Variants in CD48 observed in about 807,000 individuals in gnomAD.
The protein encoded by CD48 is CD48 molecule.
A neutral mutation model predicts 22.0 loss-of-function variants in CD48; 20 were observed. The ratio of observed to expected loss-of-function variants is 0.91; its 90% CI spans 0.64 to 1.32. The LOEUF (loss-of-function observed/expected upper bound fraction) is 1.32, where lower values mean the gene tolerates loss of function less well. Among genes scored for constraint, CD48 ranks in the 40% most tolerant of loss-of-function variants. The probability of loss-of-function intolerance (pLI) is 0.00; values close to 1 mark genes in which losing one functional copy is unlikely to be tolerated. For missense variants in CD48, 307 were observed against 286.5 expected, an observed-to-expected ratio of 1.07 and a Z score of -0.52; for synonymous variants, 110 against 110.1, an observed-to-expected ratio of 1.00 and a Z score of 0.01.
chr1:160,695,973 T>G (rs1337564882), intron 1 of CD48, among the ~76,000 whole-genome samples: 1 of 152,284 alleles, frequency 6.6e-6, no homozygotes, highest in African/African-American at 2.4e-5. Flanking sequence ...TCAATTCTGG[T>G]GCATGGCAGA....
At chr1:160,698,880 G>A (rs1376575675) in intron 1 of CD48, 1 of 152,608 alleles carries the variant, frequency 6.6e-6, no homozygotes, top group Non-Finnish European at 1.5e-5. Context: ...CCTGTCACTT[G>A]GATTAAGACC....
Position 160,694,763 on chromosome 1 carries a change from T to G in CD48, c.83-9574A>C, listed in dbSNP as rs574594943. On this transcript the variant is annotated intron_variant, in intron 1 of 3. Transcript: ENST00000368046. The stretch of plus-strand genomic sequence containing the variant: ...AGGAACAGGGTATCCTTTTTAGGGG[T>G]GACCACTGTAGAGCCTCCTAAACCC... 1.2e-4 allele frequency among the ~76,000 whole-genome samples: 19 copies of G among 152,120 alleles called. No homozygotes were observed. The East Asian group carries it at 2.9e-3, about 23-fold the overall frequency.
At position 160,684,909 on chromosome 1, in the gene CD48, C is replaced by G; in HGVS notation, c.363G>C (p.Trp121Cys). 6.2e-7 allele frequency: 1 copy of G among 1,614,138 alleles called. No individual in the cohort carries two copies. The highest frequency in any genetic ancestry group is 1.1e-5 in the South Asian group (1 of 91,074). ...VLKKTGNEQE[W>C]KIKLQVLDPV... ...CACCAAGCACTTGCAGCTTGATCTTCCATTCTTGCTCATTCCCAGTCTTTT... is the reference window on the plus strand; with the variant it reads ...CACCAAGCACTTGCAGCTTGATCTTGCATTCTTGCTCATTCCCAGTCTTTT... The change falls in exon 2 of 4, where the codon TGG becomes TGC. Residue 121 changes from tryptophan to cysteine, a missense_variant. Physicochemically the swap from Trp to Cys is radical, Grantham distance 215 (BLOSUM62 -2). Transcript: ENST00000368046.
intron 2 of CD48, 66 bp from the exon 3 acceptor site, chr1:160,681,534 C>CAAAG (rs1240726815): frequency 6.4e-7 from 1 of 1,568,926 alleles, no homozygotes; most frequent in African/African-American, 1.4e-5. Flanking sequence ...GTTTAGCCAA[C>CAAAG]AAAGAACAAA....
intron 2 of CD48, among the ~76,000 whole-genome samples, chr1:160,682,532 A>AAGGG (rs373212773): frequency 7.7e-5 from 11 of 142,426 alleles, no homozygotes; most frequent in South Asian, 5.0e-4. Context: ...AAAGAAAAAG[A>AAGGG]AGGGAGGGAG....
At chr1:160,697,123 A>C (rs1474611261) in intron 1 of CD48, among the ~76,000 whole-genome samples, 1 of 152,086 alleles carries the variant, frequency 6.6e-6, no homozygotes, top group African/African-American at 2.4e-5. Context: ...TTACTGGTAA[A>C]AAGAACAGCC....
chr1:160,711,561 G>C, intron 1 of CD48, 121 bp downstream of exon 1: 2 of 735,334 alleles, frequency 2.7e-6, no homozygotes, highest in Non-Finnish European at 4.8e-6. Flanking sequence ...TATTGGAATG[G>C]AAATACCTGC....
chr1:160,697,007 G>T (rs372504892), intron 1 of CD48, among the ~76,000 whole-genome samples: 1 of 121,470 alleles, frequency 8.2e-6, no homozygotes, highest in African/African-American at 3.2e-5. Flanking sequence ...AGAAGGGGGA[G>T]ACAGTAAGGA....
intron 1 of CD48, among the ~76,000 whole-genome samples, chr1:160,693,361 T>G (rs1662297637): frequency 6.6e-6 from 1 of 152,220 alleles, no homozygotes; most frequent in Admixed American, 6.5e-5. Context: ...AATCAGCCAT[T>G]AAGCCATTAA....
chr1:160,680,232 T>A (rs1234115925), intron 3 of CD48, among the ~76,000 whole-genome samples: 1 of 152,170 alleles, frequency 6.6e-6, no homozygotes, highest in African/African-American at 2.4e-5. Context: ...GGCTCAGGGA[T>A]CTGACTTCAG....
chr1:160,680,649 G>C (rs1661758178), intron 3 of CD48: 1 of 1,008,818 alleles, frequency 9.9e-7, no homozygotes, highest in Admixed American at 5.1e-5. Flanking sequence ...GGCTTCCTAA[G>C]TTCATCTAGG....
chr1:160,699,035 G>T (rs935162021), intron 1 of CD48: 1 of 153,660 alleles, frequency 6.5e-6, no homozygotes, highest in African/African-American at 2.4e-5. Flanking sequence ...TTGTCGAAAA[G>T]AAAAGGGGGA....
chr1:160,685,287 G>A, intron 1 of CD48, 98 bp from the exon 2 acceptor site: 1 of 862,550 alleles, frequency 1.2e-6, no homozygotes, highest in Non-Finnish European at 1.8e-6. Context: ...TGAGAAGGAA[G>A]GGATTTCTGC....
chr1:160,705,471 C>T (rs1338217026), intron 1 of CD48, among the ~76,000 whole-genome samples: 1 of 152,200 alleles, frequency 6.6e-6, no homozygotes, highest in Non-Finnish European at 1.5e-5. Context: ...TTAGAGAAGA[C>T]AGAGGCTGTG....
chr1:160,703,823 C>T (rs1192322994), intron 1 of CD48, among the ~76,000 whole-genome samples: 5 of 152,048 alleles, frequency 3.3e-5, no homozygotes, highest in Non-Finnish European at 7.4e-5. Flanking sequence ...AGGAGGGACC[C>T]AGACAGAGGA....
At chr1:160,709,041 G>A (rs1662873673) in intron 1 of CD48, among the ~76,000 whole-genome samples, 2 of 152,192 alleles carry the variant, frequency 1.3e-5, no homozygotes, top group Non-Finnish European at 2.9e-5. Flanking sequence ...CTGATTGCAA[G>A]CACATGAAAA....
At chr1:160,682,704 A>T (rs1393744750) in intron 2 of CD48, among the ~76,000 whole-genome samples, 2 of 152,158 alleles carry the variant, frequency 1.3e-5, no homozygotes, top group Non-Finnish European at 2.9e-5. Flanking sequence ...AGTAAGATAA[A>T]ACGTCACCTG....
intron 1 of CD48, among the ~76,000 whole-genome samples, chr1:160,706,690 A>G (rs191450608): frequency 3.3e-5 from 5 of 152,288 alleles, no homozygotes; most frequent in Admixed American, 3.3e-4. Context: ...TTATTCTTTT[A>G]CTTTCTTAAT....
chr1:160,697,815 A>G (rs986374457), intron 1 of CD48, among the ~76,000 whole-genome samples: 1 of 152,098 alleles, frequency 6.6e-6, no homozygotes, highest in African/African-American at 2.4e-5. Flanking sequence ...TTCTACCACA[A>G]TTGCTCAGGA....
Sources: allele counts gnomAD v4.1 joint callset (sites outside exome capture counted in the v4.1 genomes callset), GRCh38; gene constraint gnomAD v4.1.1; transcripts MANE v1.5; gene names NCBI Gene and HGNC (gene_info 2026-07-23, HGNC 2026-07-21).